The following RABGEF1 variants were observed in gnomAD, a reference collection of about 807,000 sequenced individuals.
RABGEF1 encodes RAB guanine nucleotide exchange factor 1, also known as rab5 GDP/GTP exchange factor.
Under a neutral mutation model 57.3 loss-of-function variants are expected in RABGEF1, and 26 were observed. The observed-to-expected ratio is 0.45, with a 90% confidence interval of 0.33 to 0.63. The LOEUF is 0.63. Ranked by LOEUF, RABGEF1 falls within the 20% of genes least tolerant of loss-of-function variation. The pLI is 0.02. For synonymous variants in RABGEF1, 185 were observed against 210.7 expected (o/e 0.88, Z 1.06); for missense variants, 464 against 607.6 (o/e 0.76, Z 2.48).
chr7:66,726,997 C>G lies in RABGEF1; in HGVS notation c.-814-12999C>G, dbSNP rs141008420. The stretch of plus-strand genomic sequence containing the variant: ...CCAGCCTGGGTGTCGCAGCAAGACT[C>G]CATCTCAAAAAATAATAAAATAAAA... On this transcript the variant is annotated intron_variant and NMD_transcript_variant, in intron 2 of 9. Coordinates refer to the RABGEF1 transcript ENST00000607882. 1.9e-4 allele frequency among the ~76,000 whole-genome samples: 29 copies of G among 152,142 alleles called. No individual in the cohort carries two copies. The East Asian group carries it at 4.8e-3, about 25-fold the overall frequency.
intron 1 of RABGEF1, among the ~76,000 whole-genome samples, chr7:66,700,681 C>A (rs535290933): frequency 1.2e-4 from 19 of 152,352 alleles, no homozygotes; most frequent in South Asian, 4.1e-4. Flanking sequence ...TGCCACTCAG[C>A]TCTCTTCACA....
At chr7:66,726,479 C>G (rs1341161787) in intron 2 of RABGEF1, among the ~76,000 whole-genome samples, 1 of 152,130 alleles carries the variant, frequency 6.6e-6, no homozygotes, top group Non-Finnish European at 1.5e-5. Flanking sequence ...ATCCTCCCAC[C>G]TCAGCCTCCA....
At chr7:66,767,476 C>T (rs1410044386) in intron 1 of RABGEF1, among the ~76,000 whole-genome samples, 3 of 152,244 alleles carry the variant, frequency 2.0e-5, no homozygotes, top group South Asian at 2.1e-4. Context: ...CACATTCTTT[C>T]CTACCCCTAG....
chr7:66,803,917 T>A (rs117474484), intron 7 of RABGEF1, among the ~76,000 whole-genome samples: 5,980 of 151,696 alleles, frequency 0.039, 164 homozygotes, highest in East Asian at 0.085. Flanking sequence ...AGAAAGAAAT[T>A]TTTCCCTGGG....
intron 1 of RABGEF1, among the ~76,000 whole-genome samples, chr7:66,750,177 G>T (rs1161453896): frequency 6.6e-6 from 1 of 151,992 alleles, no homozygotes; most frequent in African/African-American, 2.4e-5. Flanking sequence ...TATTTGTAGT[G>T]AGTGCATGTG....
rs1794088093 is a variant in RABGEF1, at chr7:66,706,340, T to C, written c.-872-5827T>C. Reference sequence around the variant, plus strand: ...ATTTCTCTTATGCGATACCTAGGAATGAAGTGACTAGGTCGTACGATAGGT... The same window carrying C: ...ATTTCTCTTATGCGATACCTAGGAACGAAGTGACTAGGTCGTACGATAGGT... On this transcript the variant is annotated intron_variant and NMD_transcript_variant, in intron 1 of 9. Transcript: ENST00000607882. 2.0e-5 allele frequency among the ~76,000 whole-genome samples: 3 copies of C among 152,196 alleles called. No individual in the cohort carries two copies. In the South Asian group the frequency reaches 6.2e-4, roughly 31 times the overall value.
At chr7:66,707,790 T>C (rs4717312) in intron 1 of RABGEF1, among the ~76,000 whole-genome samples, 5,503 of 152,296 alleles carry the variant, frequency 0.036, 152 homozygotes, top group East Asian at 0.076. Flanking sequence ...TGAGGCTCTG[T>C]TTTTCGGTGC....
chr7:66,792,633 A>T (rs754723870), intron 4 of RABGEF1, among the ~76,000 whole-genome samples: 1 of 152,206 alleles, frequency 6.6e-6, no homozygotes, highest in Non-Finnish European at 1.5e-5. Flanking sequence ...GCTGTTTTCT[A>T]TAAAGAAATC....
At chr7:66,740,951 A>G (rs1289398132) in intron 1 of RABGEF1, among the ~76,000 whole-genome samples, 159 bp downstream of exon 1, 1 of 151,990 alleles carries the variant, frequency 6.6e-6, no homozygotes, top group Non-Finnish European at 1.5e-5. Flanking sequence ...CCTTCGTCCC[A>G]CATTCCGTCT....
At chr7:66,707,973 T>A (rs1237160627) in intron 1 of RABGEF1, among the ~76,000 whole-genome samples, 1 of 152,182 alleles carries the variant, frequency 6.6e-6, no homozygotes, top group Non-Finnish European at 1.5e-5. Context: ...TATTTTTGCA[T>A]CCTTTTACTT....
At chr7:66,762,524 G>A (rs1239470118) in intron 1 of RABGEF1, among the ~76,000 whole-genome samples, 1 of 152,096 alleles carries the variant, frequency 6.6e-6, no homozygotes, top group South Asian at 2.1e-4. Flanking sequence ...TGGGGAGGTC[G>A]AGTGTTGTGA....
chr7:66,772,084 A>C lies in RABGEF1; in HGVS notation c.179+6A>C, dbSNP rs780412366. 4.6e-6 allele frequency: 7 copies of C among 1,510,776 alleles called. No homozygotes were observed. Among genetic ancestry groups the C allele is most frequent in the Non-Finnish European group, 5.3e-6 (6 of 1,125,790 alleles). The allele number at this position is 1,510,776 out of a possible 1,614,324, so 93.6% of individuals were successfully genotyped here. ...GACTGGGAGCTGGCGGAGCGGTAAA[A>C]GGACTTAACTAGGGGCGGTTGAACA... On this transcript the variant is annotated splice_donor_region_variant and intron_variant, in intron 2 of 8. Transcript: ENST00000284957.
the RABGEF1 span, among the ~76,000 whole-genome samples, chr7:66,667,774 C>T: frequency 1.3e-5 from 2 of 152,164 alleles, no homozygotes; most frequent in Admixed American, 6.5e-5. Flanking sequence ...GTTCCATTAT[C>T]CCATTTTACT....
the RABGEF1 span, among the ~76,000 whole-genome samples, chr7:66,672,038 A>G: frequency 1.4e-5 from 2 of 147,548 alleles, no homozygotes; most frequent in Non-Finnish European, 3.0e-5. Flanking sequence ...ATGTTCTTGA[A>G]CTCCTGGACT....
chr7:66,794,444 T>C (rs1219983333), intron 4 of RABGEF1, among the ~76,000 whole-genome samples: 1 of 151,994 alleles, frequency 6.6e-6, no homozygotes, highest in Admixed American at 6.6e-5. Flanking sequence ...TTATTTGTTA[T>C]TCTTTTTATT....
chr7:66,794,130 A>C (rs1488914386), intron 4 of RABGEF1, among the ~76,000 whole-genome samples: 1 of 150,856 alleles, frequency 6.6e-6, no homozygotes, highest in African/African-American at 2.4e-5. Context: ...CTGACTCTTG[A>C]CTAATTTAGA....
At chr7:66,667,418 A>C in the RABGEF1 span, 2 of 152,278 alleles carry the variant, frequency 1.3e-5, no homozygotes, top group East Asian at 1.9e-4. Context: ...AGATGGGGCC[A>C]AGGGAAAGTC....
chr7:66,737,352 C>T (rs1288359906), upstream of RABGEF1, among the ~76,000 whole-genome samples: 1 of 151,930 alleles, frequency 6.6e-6, no homozygotes, highest in Non-Finnish European at 1.5e-5. Flanking sequence ...TCTCCTGGCT[C>T]AAGTAGTCTT....
At position 66,808,868 on chromosome 7, in the gene RABGEF1, A is replaced by G; in HGVS notation, c.1078-18A>G. On this transcript the variant is annotated intron_variant, in intron 8 of 8. Coordinates refer to ENST00000284957, the MANE Select transcript of RABGEF1 (RefSeq NM_014504.3). ...ATAGCTTTCCTAATATGACTGTATT[A>G]ACGTCCTCTTCTTGTAGTGCTGTGC... is the stretch of plus-strand genomic sequence containing the variant. The G allele has an allele frequency of 1.9e-6, 3 of 1,539,250 alleles. No individual in the cohort carries two copies. Among genetic ancestry groups the G allele is most frequent in the Non-Finnish European group, 2.7e-6 (3 of 1,126,742 alleles).
Sources: gnomAD v4.1 joint callset for allele counts (sites outside exome capture counted in the v4.1 genomes callset) on GRCh38, gnomAD v4.1.1 for gene constraint, MANE v1.5 for transcripts, NCBI Gene and HGNC (gene_info 2026-07-23, HGNC 2026-07-21) for gene names.